Variants in DDIAS observed in about 807,000 individuals in gnomAD.
The protein encoded by DDIAS is DNA damage induced apoptosis suppressor.
Under a neutral mutation model 15.7 loss-of-function variants are expected in DDIAS, and 14 were observed. The ratio of observed to expected loss-of-function variants is 0.89; its 90% CI spans 0.59 to 1.39. The LOEUF (loss-of-function observed/expected upper bound fraction) is 1.39, where lower values mean the gene tolerates loss of function less well. Among genes scored for constraint, DDIAS ranks in the 40% most tolerant of loss-of-function variants. The pLI is 0.00. For synonymous variants in DDIAS, 355 were observed against 395.9 expected (o/e 0.90, Z 1.23); for missense variants, 1,035 against 1,130.9 (o/e 0.92, Z 1.22).
In DDIAS at chr11:82,931,857, A is replaced by G. The variant is rs1860993586; in HGVS notation, c.519A>G (p.Ala173=). ...CQIVLPDPGI[A]GFTVIDYFHQ... Reference sequence around the variant, plus strand: ...TTGTTCTACCAGACCCAGGTATTGCAGGCTTTACTGTCATTGACTACTTCC... The same window carrying G: ...TTGTTCTACCAGACCCAGGTATTGCGGGCTTTACTGTCATTGACTACTTCC... The change falls in exon 6 of 6, where the codon GCA becomes GCG. Residue 173 remains alanine, a synonymous_variant. Coordinates refer to ENST00000533655, the MANE Select transcript of DDIAS (RefSeq NM_145018.4). 6.2e-7 allele frequency: 1 copy of G among 1,614,226 alleles called. No homozygotes were observed. Among genetic ancestry groups the G allele is most frequent in the African/African-American group, 1.3e-5 (1 of 75,064 alleles).
chr11:82,913,635 G>T, intron 2 of DDIAS: 1 of 397,382 alleles, frequency 2.5e-6, no homozygotes, highest in Non-Finnish European at 4.9e-6. Flanking sequence ...AAAATCTGAA[G>T]TCTTTTTTTT....
At chr11:82,911,849 A>G (rs916201211) in intron 1 of DDIAS, among the ~76,000 whole-genome samples, 2 of 152,240 alleles carry the variant, frequency 1.3e-5, no homozygotes, top group South Asian at 2.1e-4. Context: ...TCATTGATCC[A>G]TGAGTAGAGA....
chr11:82,933,279 T>TA lies in DDIAS; in HGVS notation c.1942dup (p.Thr648AsnfsTer12), dbSNP rs1196196096. The TA allele has an allele frequency of 2.5e-6, 4 of 1,613,538 alleles. No homozygotes were observed. Among genetic ancestry groups the TA allele is most frequent in the Non-Finnish European group, 3.4e-6 (4 of 1,179,854 alleles). ...GCAATAGTCCAAATAGAAGTACAAATACATTGAAAGAAATGCCTTGGGGAC... is the reference window on the plus strand; with the variant it reads ...GCAATAGTCCAAATAGAAGTACAAATAACATTGAAAGAAATGCCTTGGGGAC... On this transcript the variant is annotated frameshift_variant, in exon 6 of 6. Coordinates refer to ENST00000533655, the MANE Select transcript of DDIAS (RefSeq NM_145018.4). LOFTEE classifies it low-confidence loss of function (END_TRUNC).
chr11:82,931,769 G>A lies in DDIAS; in HGVS notation c.431G>A (p.Ser144Asn), dbSNP rs1333069968. The A allele has an allele frequency of 1.9e-6, 3 of 1,608,810 alleles. No homozygotes were observed. The highest frequency in any genetic ancestry group is 2.7e-5 in the African/African-American group (2 of 74,554). Reference protein sequence around the residue: ...ENQPGQGSDASNFLQQCSDHK... With the variant: ...ENQPGQGSDANNFLQQCSDHK... ...CAACCTGGACAAGGTTCAGATGCCAGTAACTTCTTACAGCAATGCTCTGAC... is the reference window on the plus strand; with the variant it reads ...CAACCTGGACAAGGTTCAGATGCCAATAACTTCTTACAGCAATGCTCTGAC... The change falls in exon 6 of 6, where the codon AGT becomes AAT. Residue 144 changes from serine to asparagine, a missense_variant. Ser to Asn is a conservative substitution (Grantham distance 46, BLOSUM62 1). Transcript: ENST00000533655.
intron 3 of DDIAS, among the ~76,000 whole-genome samples, chr11:82,923,667 C>T (rs1343357347): frequency 6.6e-6 from 1 of 152,124 alleles, no homozygotes; most frequent in African/African-American, 2.4e-5. Flanking sequence ...AGTAATAGTA[C>T]CTAGTGCTGA....
intron 2 of DDIAS, chr11:82,913,884 TTA>T (rs1442218591): frequency 2.4e-6 from 1 of 412,070 alleles, no homozygotes; most frequent in Non-Finnish European, 4.7e-6. Context: ...TAAAATTTGT[TTA>T]TGTTTTATAT....
chr11:82,914,415 A>G (rs747887866), intron 2 of DDIAS, among the ~76,000 whole-genome samples: 4 of 152,240 alleles, frequency 2.6e-5, no homozygotes, highest in Non-Finnish European at 5.9e-5. Flanking sequence ...CAAGTTGTGT[A>G]TCTTCTTGTA....
At position 82,933,543 on chromosome 11, in the gene DDIAS, C is replaced by T. The variant is rs769119025; in HGVS notation, c.2205C>T (p.Ser735=). 5 of 1,613,954 alleles carry T rather than the reference C, an allele frequency of 3.1e-6. No individual in the cohort carries two copies. The highest frequency in any genetic ancestry group is 1.7e-5 in the Admixed American group (1 of 59,998). Residue 735 remains serine, a synonymous_variant, in exon 6 of 6, where the codon TCC becomes TCT. Coordinates refer to ENST00000533655, the MANE Select transcript of DDIAS (RefSeq NM_145018.4). ...TCATCCAGCCTTCACAAAAATTATC[C>T]TTGCAAAGCCTATCTGACTCTAGGC... is the stretch of plus-strand genomic sequence containing the variant. ...EDFIQPSQKL[S]LQSLSDSRHS...
At position 82,932,103 on chromosome 11, in the gene DDIAS, T is replaced by G; in HGVS notation, c.765T>G (p.Asn255Lys). Residue 255 changes from asparagine (N) to lysine (K), a missense_variant, in exon 6 of 6, where the codon AAT (asparagine) becomes AAG (lysine). Coordinates refer to ENST00000533655, the MANE Select transcript of DDIAS (RefSeq NM_145018.4). ...GCATTGTTTCACAACTAACAGATAATGATGATTTTTCAGCTTCAGAACAAA... is the reference window on the plus strand; with the variant it reads ...GCATTGTTTCACAACTAACAGATAAGGATGATTTTTCAGCTTCAGAACAAA... ...FTCIVSQLTDNDDFSASEQSK... is the reference protein window; with the variant it reads ...FTCIVSQLTDKDDFSASEQSK... 6.2e-7 allele frequency: 1 copy of G among 1,614,164 alleles called. No homozygotes were observed. Among genetic ancestry groups the G allele is most frequent in the East Asian group, 2.2e-5 (1 of 44,882 alleles).
Position 82,932,507 on chromosome 11 carries a change from G to A in DDIAS, c.1169G>A (p.Cys390Tyr), listed in dbSNP as rs754601885. 1.9e-6 allele frequency: 3 copies of A among 1,614,192 alleles called. No individual in the cohort carries two copies. The South Asian group carries it at 3.3e-5, about 18-fold the overall frequency. The change falls in exon 6 of 6, where the codon TGT becomes TAT. Residue 390 changes from cysteine (C) to tyrosine (Y), a missense_variant. Coordinates refer to ENST00000533655, the MANE Select transcript of DDIAS (RefSeq NM_145018.4). ...ACTAGCCTTCAGAAGAGATCTGCATGTTGTCCACCTTCGTTACTCAGACTT... is the reference window on the plus strand; with the variant it reads ...ACTAGCCTTCAGAAGAGATCTGCATATTGTCCACCTTCGTTACTCAGACTT... ...TPTSLQKRSACCPPSLLRLEE... is the reference protein window; with the variant it reads ...TPTSLQKRSAYCPPSLLRLEE...
At position 82,933,109 on chromosome 11, in the gene DDIAS, A is replaced by G; in HGVS notation, c.1771A>G (p.Lys591Glu). Residue 591 changes from lysine (K) to glutamate (E), a missense_variant, in exon 6 of 6, where the codon AAG (lysine) becomes GAG (glutamate). Coordinates refer to ENST00000533655, the MANE Select transcript of DDIAS (RefSeq NM_145018.4). ...AATATCAGTTTCAGAAATGAATGAA[A>G]AGTTGACAACTCTGTGTTATAGGAA... The part of the protein sequence containing the change: ...GEISVSEMNE[K>E]LTTLCYRKYN... 1 of 1,602,888 alleles carries G rather than the reference A, an allele frequency of 6.2e-7. No individual in the cohort carries two copies. Among genetic ancestry groups the G allele is most frequent in the Non-Finnish European group, 8.5e-7 (1 of 1,178,386 alleles).
chr11:82,909,877 T>A (rs1860493263), intron 1 of DDIAS, among the ~76,000 whole-genome samples: 1 of 152,222 alleles, frequency 6.6e-6, no homozygotes, highest in Non-Finnish European at 1.5e-5. Context: ...TTTAAATTAT[T>A]TATCTTTCAT....
intron 2 of DDIAS, 99 bp from the exon 3 acceptor site, chr11:82,914,624 A>G (rs1028960488): frequency 5.3e-6 from 3 of 562,508 alleles, no homozygotes; most frequent in African/African-American, 3.9e-5. Flanking sequence ...AATGACATCT[A>G]TTAGCTTTGC....
chr11:82,908,012 G>A (rs1303186952), intron 1 of DDIAS, among the ~76,000 whole-genome samples: 5 of 152,218 alleles, frequency 3.3e-5, no homozygotes, highest in Non-Finnish European at 1.5e-5. Context: ...TGACTATCCA[G>A]CAGGGTTAGT....
chr11:82,911,211 C>A (rs1370486789), intron 1 of DDIAS, among the ~76,000 whole-genome samples: 1 of 152,118 alleles, frequency 6.6e-6, no homozygotes, highest in African/African-American at 2.4e-5. Flanking sequence ...TAAAATAAGA[C>A]AACATTGAAG....
intron 1 of DDIAS, among the ~76,000 whole-genome samples, chr11:82,907,485 T>C (rs1860455659): frequency 1.3e-5 from 2 of 152,248 alleles, no homozygotes; most frequent in Non-Finnish European, 1.5e-5. Flanking sequence ...GTATGGCGTC[T>C]GCCTACTCTG....
chr11:82,912,481 A>G (rs1860545919), intron 1 of DDIAS, among the ~76,000 whole-genome samples: 1 of 152,076 alleles, frequency 6.6e-6, no homozygotes, highest in Non-Finnish European at 1.5e-5. Context: ...AGCTTCAAGC[A>G]TTTTTTTCTG....
At position 82,933,204 on chromosome 11, in the gene DDIAS, T is replaced by A; in HGVS notation, c.1866T>A (p.Asp622Glu). 6.2e-7 allele frequency: 1 copy of A among 1,612,436 alleles called. No homozygotes were observed. The highest frequency in any genetic ancestry group is 8.5e-7 in the Non-Finnish European group (1 of 1,179,730). ...KQYCRWSKNQ[D>E]DSFTICRKLT... The stretch of plus-strand genomic sequence containing the variant: ...ATTGTAGGTGGTCCAAGAACCAAGA[T>A]GACAGTTTTACAATTTGCAGGAAAC... The change falls in exon 6 of 6, where the codon GAT becomes GAA. Residue 622 changes from aspartate to glutamate, a missense_variant. Physicochemically the swap from Asp to Glu is conservative, Grantham distance 45. Transcript: ENST00000533655.
At chr11:82,931,586 G>C (rs1321449891) in intron 5 of DDIAS, 146 bp from the exon 6 acceptor site, 10 of 675,520 alleles carry the variant, frequency 1.5e-5, no homozygotes, top group Admixed American at 3.0e-5. Flanking sequence ...TCAAACTCTT[G>C]AGGCTCAAGT....
Sources: allele counts gnomAD v4.1 joint callset (sites outside exome capture counted in the v4.1 genomes callset), GRCh38; gene constraint gnomAD v4.1.1; transcripts MANE v1.5; gene names NCBI Gene and HGNC (gene_info 2026-07-23, HGNC 2026-07-21).